Variants in PTPRG observed in about 807,000 individuals in gnomAD.
PTPRG encodes protein tyrosine phosphatase receptor type G.
A neutral mutation model predicts 165.3 loss-of-function variants in PTPRG; 102 were observed. The observed-to-expected ratio is 0.62, with a 90% CI of 0.53 to 0.73. PTPRG has a LOEUF of 0.73. Among genes scored for constraint, PTPRG ranks in the 30% least tolerant of loss-of-function variants. The probability of loss-of-function intolerance (pLI) is 0.00; values close to 1 mark genes in which losing one functional copy is unlikely to be tolerated. For missense variants in PTPRG, 1,866 were observed against 1,861.4 expected (o/e 1.00, Z -0.05); for synonymous variants, 675 against 669.5 (o/e 1.01, Z -0.13).
At chr3:61,789,932 T>G (rs2034819524) in intron 2 of PTPRG, among the ~76,000 whole-genome samples, 3 of 152,254 alleles carry the variant, frequency 2.0e-5, no homozygotes, top group Admixed American at 2.0e-4. Context: ...TGGCATATCC[T>G]GTCCTGGTTG....
At chr3:61,724,231 AGT>A (rs1348943395) in intron 1 of PTPRG, among the ~76,000 whole-genome samples, 4 of 150,660 alleles carry the variant, frequency 2.7e-5, no homozygotes, top group Admixed American at 6.6e-5. Flanking sequence ...AAAAAAAAAA[AGT>A]AGTTATATAC....
intron 17 of PTPRG, among the ~76,000 whole-genome samples, chr3:62,267,144 A>AAAT (rs1446329393): frequency 3.3e-5 from 5 of 152,090 alleles, no homozygotes; most frequent in African/African-American, 1.2e-4. Flanking sequence ...CAGAACAAGC[A>AAAT]AATACCTTTG....
intron 28 of PTPRG, among the ~76,000 whole-genome samples, chr3:62,290,985 C>T (rs200968476): frequency 1.2e-4 from 18 of 151,608 alleles, no homozygotes; most frequent in Admixed American, 2.0e-4. Context: ...GATCGGGGGG[C>T]AAAAAAACTC....
chr3:62,067,038 CAAAAAA>C (rs58056271), intron 4 of PTPRG, among the ~76,000 whole-genome samples: 36 of 111,984 alleles, frequency 3.2e-4, no homozygotes, highest in African/African-American at 8.2e-4. Context: ...GATTCTGACT[CAAAAAA>C]AAAAAAAAAA....
chr3:61,675,003 G>A (rs1386658967), intron 1 of PTPRG, among the ~76,000 whole-genome samples: 1 of 152,208 alleles, frequency 6.6e-6, no homozygotes, highest in Non-Finnish European at 1.5e-5. Flanking sequence ...GAGACATTCA[G>A]TGCTGATTGT....
In PTPRG at chr3:61,600,190, A is replaced by ATGTGTGTGTGTGTG. The variant is rs1293051250; in HGVS notation, c.85+37819_85+37820insGTGTGTGTGTGTGT. ...AAAAAAAAAATATATATATATATAT[A>ATGTGTGTGTGTGTG]TATGTGTGTGTGTGTGTGTGTGTGT... On this transcript the variant is annotated intron_variant, in intron 1 of 29. Transcript: ENST00000474889. Among the ~76,000 whole-genome samples the ATGTGTGTGTGTGTG allele has an allele frequency of 2.1e-3, 245 of 118,566 alleles. 1 individual carries two copies. The highest frequency in any genetic ancestry group is 0.01 in the East Asian group (43 of 4,102). 77.8% of individuals were successfully genotyped at this position (118,566 alleles called of 152,430 possible). A position where few individuals can be genotyped will look rare whatever the true frequency, so the allele number is the denominator to read the frequency against.
intron 6 of PTPRG, among the ~76,000 whole-genome samples, chr3:62,146,554 G>T (rs1204496228): frequency 6.6e-6 from 1 of 151,648 alleles, no homozygotes; most frequent in Non-Finnish European, 1.5e-5. Context: ...GTGTTTCACA[G>T]GCAAAAGTAA....
In PTPRG at chr3:62,136,260, C is replaced by T. The variant is rs574146178; in HGVS notation, c.682+3592C>T. On this transcript the variant is annotated intron_variant, in intron 6 of 29. Coordinates refer to ENST00000474889, the MANE Select transcript of PTPRG (RefSeq NM_002841.4). ...CCTGCCCTCACCATGTATGCATATGCTTGGTAGAGATGTACAATTAAGTAT... is the reference window on the plus strand; with the variant it reads ...CCTGCCCTCACCATGTATGCATATGTTTGGTAGAGATGTACAATTAAGTAT... 1.1e-3 allele frequency among the ~76,000 whole-genome samples: 164 copies of T among 152,244 alleles called. 1 individual carries two copies. The highest frequency in any genetic ancestry group is 3.8e-3 in the African/African-American group (159 of 41,554).
At chr3:61,771,361 C>T (rs1233299447) in intron 2 of PTPRG, 1 of 134,242 alleles carries the variant, frequency 7.4e-6, no homozygotes, top group African/African-American at 2.7e-5. Context: ...AGAGCTTTAT[C>T]TTTTTGTCCT....
At chr3:61,791,149 G>T (rs1361023896) in intron 2 of PTPRG, among the ~76,000 whole-genome samples, 1 of 152,214 alleles carries the variant, frequency 6.6e-6, no homozygotes, top group Non-Finnish European at 1.5e-5. Context: ...CTGTTTTTAT[G>T]TATAATTGAT....
At chr3:61,661,653 A>G (rs1575572045) in intron 1 of PTPRG, among the ~76,000 whole-genome samples, 1 of 152,208 alleles carries the variant, frequency 6.6e-6, no homozygotes. Flanking sequence ...TAACTTGGAT[A>G]AAGAGCTTTG....
At chr3:61,961,142 G>A (rs2040144155) in intron 2 of PTPRG, among the ~76,000 whole-genome samples, 1 of 152,088 alleles carries the variant, frequency 6.6e-6, no homozygotes, top group Non-Finnish European at 1.5e-5. Context: ...CTCTCCAGTA[G>A]GACCTTCAGA....
intron 2 of PTPRG, among the ~76,000 whole-genome samples, chr3:61,813,160 G>A (rs1283630905): frequency 6.6e-6 from 1 of 151,892 alleles, no homozygotes; most frequent in Non-Finnish European, 1.5e-5. Context: ...AGAGCATGGG[G>A]TCTGAGGCTG....
chr3:61,853,945 G>A (rs1413102997), intron 2 of PTPRG, among the ~76,000 whole-genome samples: 1 of 152,168 alleles, frequency 6.6e-6, no homozygotes, highest in African/African-American at 2.4e-5. Flanking sequence ...GCCATCTAAT[G>A]AAAGTCTCCT....
Position 62,191,419 on chromosome 3 carries a change from A to G in PTPRG, c.1034-50A>G, listed in dbSNP as rs754257994. On this transcript the variant is annotated intron_variant, in intron 8 of 29. Transcript: ENST00000474889. Reference sequence around the variant, plus strand: ...TGCAGTCCTTAGGGGCACGGATTGAATGGCGCATTGTTCTGAAAGCTCCCT... The same window carrying G: ...TGCAGTCCTTAGGGGCACGGATTGAGTGGCGCATTGTTCTGAAAGCTCCCT... 135 of 1,571,140 alleles carry G rather than the reference A, an allele frequency of 8.6e-5. 1 individual carries two copies. Among genetic ancestry groups the G allele is most frequent in the South Asian group, 8.5e-4 (73 of 85,916 alleles).
At position 61,648,749 on chromosome 3, in the gene PTPRG, A is replaced by C. The variant is rs1484432241; in HGVS notation, c.85+86377A>C. ...TCTATTACCTTGTATTGGAAGAATA[A>C]TGGCATGTTGCTTGAATGTTTCCCA... On this transcript the variant is annotated intron_variant, in intron 1 of 29. Coordinates refer to ENST00000474889, the MANE Select transcript of PTPRG (RefSeq NM_002841.4). Among the ~76,000 whole-genome samples the C allele has an allele frequency of 3.3e-5, 5 of 152,226 alleles. No homozygotes were observed. The East Asian group carries it at 7.7e-4, about 23-fold the overall frequency.
chr3:62,082,134 C>T (rs567929387), intron 5 of PTPRG, among the ~76,000 whole-genome samples: 7 of 152,312 alleles, frequency 4.6e-5, no homozygotes, highest in African/African-American at 1.7e-4. Flanking sequence ...CTAGGCAAGG[C>T]CAAGTTCTGC....
chr3:61,728,763 C>T (rs566776132), intron 1 of PTPRG, among the ~76,000 whole-genome samples: 1 of 151,268 alleles, frequency 6.6e-6, no homozygotes, highest in South Asian at 2.1e-4. Context: ...GGGAGCAGGC[C>T]TGGTGGCTCA....
intron 2 of PTPRG, among the ~76,000 whole-genome samples, chr3:61,986,797 T>A (rs1393151170): frequency 6.6e-6 from 1 of 152,208 alleles, no homozygotes; most frequent in Non-Finnish European, 1.5e-5. Context: ...GAAACTAAAG[T>A]GCAAGTGACT....
Sources: gnomAD v4.1 joint callset for allele counts (sites outside exome capture counted in the v4.1 genomes callset) on GRCh38, gnomAD v4.1.1 for gene constraint, MANE v1.5 for transcripts, NCBI Gene and HGNC (gene_info 2026-07-23, HGNC 2026-07-21) for gene names.